UNKL: variants seen among roughly 807,000 people sequenced by gnomAD.
UNKL encodes unk like zinc finger.
A neutral mutation model predicts 78.0 loss-of-function variants in UNKL; 60 were observed. That is an observed-to-expected ratio of 0.77 (90% CI 0.63 to 0.95). The LOEUF (loss-of-function observed/expected upper bound fraction) is 0.95, where lower values mean the gene tolerates loss of function less well. UNKL is among the 40% of genes least tolerant of loss of function. UNKL has a pLI of 0.00. For synonymous variants in UNKL, 608 were observed against 474.8 expected (o/e 1.28, Z -3.65); for missense variants, 1,159 against 1,045.7 (o/e 1.11, Z -1.49).
In UNKL at chr16:1,367,223, C is replaced by T; in HGVS notation, c.1915G>A (p.Glu639Lys). 1 of 1,602,122 alleles carries T rather than the reference C, an allele frequency of 6.2e-7. No individual in the cohort carries two copies. The highest frequency in any genetic ancestry group is 8.5e-7 in the Non-Finnish European group (1 of 1,177,102). Reference sequence around the variant, plus strand: ...GAGGCTACGCCCAGGCCCTCCAGCTCCTCCTGCAGCTGCTTCACCTGTGCC... The same window carrying T: ...GAGGCTACGCCCAGGCCCTCCAGCTTCTCCTGCAGCTGCTTCACCTGTGCC... ...VEAQVKQLQEELEGLGVASTL... is the reference protein window; with the variant it reads ...VEAQVKQLQEKLEGLGVASTL... The change falls in exon 14 of 15, where the codon GAG (glutamate) becomes AAG (lysine). Residue 639 changes from glutamate to lysine, a missense_variant. By Grantham distance (56) the Glu-to-Lys change is moderately conservative. Transcript: ENST00000389221.
chr16:1,369,598 A>G (rs189932178), intron 12 of UNKL, among the ~76,000 whole-genome samples: 2 of 151,642 alleles, frequency 1.3e-5, no homozygotes, highest in East Asian at 2.0e-4. Context: ...TGAACTCCCA[A>G]TCTCAGGTGA....
rs745821179 is a variant in UNKL at position 1,370,136 on chromosome 16, G to A, written c.1579C>T (p.Pro527Ser). 1.3e-6 allele frequency: 2 copies of A among 1,525,638 alleles called. No individual in the cohort carries two copies. Among genetic ancestry groups the A allele is most frequent in the South Asian group, 2.5e-5 (2 of 81,378 alleles). The allele number at this position is 1,525,638 out of a possible 1,614,324, so 94.5% of individuals were successfully genotyped here. ...TLGSAASSYS[P>S]LGLNGVPGSI... is the part of the protein sequence containing the mutation. ...GGAGGGAGCCGGCACTCACCTAGGG[G>A]GCTGTAGGATGAGGCTGCAGAGCCC... The change falls in exon 12 of 15, where the codon CCC (proline) becomes TCC (serine). Residue 527 changes from proline (P) to serine (S), a missense_variant. Transcript: ENST00000389221.
chr16:1,386,682 C>T (rs903073801), intron 9 of UNKL, among the ~76,000 whole-genome samples: 4 of 152,160 alleles, frequency 2.6e-5, no homozygotes, highest in Non-Finnish European at 2.9e-5. Flanking sequence ...TTAAGTAAAA[C>T]TGTCCATAAT....
chr16:1,387,942 G>T lies in UNKL; in HGVS notation c.1087-2557C>A, dbSNP rs1194510605. ...TTCCCCATGTCCTGACCCACCAGTAGCCTAGAGGCCACCGCCCGGGTCACA... is the reference window on the plus strand; with the variant it reads ...TTCCCCATGTCCTGACCCACCAGTATCCTAGAGGCCACCGCCCGGGTCACA... On this transcript the variant is annotated intron_variant, in intron 9 of 14. Coordinates refer to ENST00000389221, the MANE Select transcript of UNKL (RefSeq NM_001372107.1). This position sits in a 1 kb window ranked among gnomAD's most constrained non-coding sequence, Gnocchi z 4.1. Among the ~76,000 whole-genome samples, 3 of 152,136 alleles carry T rather than the reference G, an allele frequency of 2.0e-5. No individual in the cohort carries two copies. Among genetic ancestry groups the T allele is most frequent in the Non-Finnish European group, 4.4e-5 (3 of 68,010 alleles).
intron 2 of UNKL, 68 bp downstream of exon 2, chr16:1,413,778 C>G: frequency 6.9e-7 from 1 of 1,454,694 alleles, no homozygotes; most frequent in Non-Finnish European, 9.1e-7. Flanking sequence ...CTGAGGGTCC[C>G]GGCCGCATCC....
Position 1,378,192 on chromosome 16 carries a change from T to G in UNKL, c.1265-6581A>C, listed in dbSNP as rs192013357. 1.4e-3 allele frequency among the ~76,000 whole-genome samples: 217 copies of G among 152,260 alleles called. 3 individuals are homozygous for G. The highest frequency in any genetic ancestry group is 6.8e-3 in the Middle Eastern group (2 of 294). ...CTTGCAGGTGTCAGCCTGAACCATG[T>G]CAGGGCCCTGGACAGACTCACTGAG... On this transcript the variant is annotated intron_variant, in intron 10 of 14. Transcript: ENST00000389221.
intron 6 of UNKL, chr16:1,395,916 C>T (rs754135433): frequency 1.1e-4 from 41 of 386,304 alleles, no homozygotes; most frequent in Admixed American, 4.0e-4. Flanking sequence ...CTGGTCCTTC[C>T]CAGCCCCTGC....
At chr16:1,367,497 CCT>C (rs2035384814) in intron 13 of UNKL, 148 bp from the exon 14 acceptor site, 3 of 708,526 alleles carry the variant, frequency 4.2e-6, no homozygotes, top group Non-Finnish European at 6.2e-6. Flanking sequence ...TCCCTCCCTC[CCT>C]CCCTCCCTCC....
intron 8 of UNKL, among the ~76,000 whole-genome samples, 177 bp downstream of exon 8, chr16:1,392,714 C>T (rs1259210403): frequency 5.3e-5 from 8 of 152,240 alleles, no homozygotes; most frequent in African/African-American, 1.9e-4. Flanking sequence ...GGATGACAGG[C>T]GTGAGCCACT....
Position 1,394,236 on chromosome 16 carries a change from A to T in UNKL, c.853-21T>A, listed in dbSNP as rs145365994. On this transcript the variant is annotated intron_variant, in intron 6 of 14. Coordinates refer to ENST00000389221, the MANE Select transcript of UNKL (RefSeq NM_001372107.1). ...TAGATCTGGGGAAAAAAGTGAAATA[A>T]AGAGGTTGGATTGGAAATGGGATTC... The T allele has an allele frequency of 7.3e-4, 1,126 of 1,549,986 alleles. 8 individuals carry two copies. The African/African-American group carries it at 0.013, about 17-fold the overall frequency.
At chr16:1,386,650 G>A (rs907024678) in intron 9 of UNKL, among the ~76,000 whole-genome samples, 1 of 152,208 alleles carries the variant, frequency 6.6e-6, no homozygotes, top group African/African-American at 2.4e-5. Flanking sequence ...CTTGGGAGGT[G>A]TGATTTTACT....
chr16:1,385,274 G>T lies in UNKL; in HGVS notation c.1198C>A (p.Leu400Met). The change falls in exon 10 of 15, where the codon CTG becomes ATG. Residue 400 changes from leucine to methionine, a missense_variant. Leu to Met is a conservative substitution (Grantham distance 15). Coordinates refer to ENST00000389221, the MANE Select transcript of UNKL (RefSeq NM_001372107.1). ...AGSGSSSPTA[L>M]PAPPARALPL... is the part of the protein sequence containing the mutation. ...AGGGCACGGGCGGGGGGCGCGGGCA[G>T]CGCAGTGGGGGAGGAGCTGCCGGAG... The T allele has an allele frequency of 4.4e-6, 6 of 1,358,180 alleles. No homozygotes were observed. Among genetic ancestry groups the T allele is most frequent in the Non-Finnish European group, 5.7e-6 (6 of 1,061,006 alleles). 84.1% of individuals were successfully genotyped at this position (1,358,180 alleles called of 1,614,324 possible).
At chr16:1,398,405 G>A in intron 5 of UNKL, 1 of 1,030,800 alleles carries the variant, frequency 9.7e-7, no homozygotes. Flanking sequence ...GACGGGCGAT[G>A]ACAAAATCTC....
chr16:1,396,996 C>T (rs1357915068), intron 6 of UNKL, 182 bp downstream of exon 6: 20 of 623,620 alleles, frequency 3.2e-5, no homozygotes, highest in Non-Finnish European at 4.4e-5. Flanking sequence ...GCCCGAAGGC[C>T]AGCAAGCAAG....
In UNKL at chr16:1,370,325, C is replaced by A. The variant is rs539413184; in HGVS notation, c.1390G>T (p.Ala464Ser). ...GCTCTGGGCAGGGAGCCGGGGATGGCGACAGGTGCAGAGCCGGCCAGCGAC... is the reference window on the plus strand; with the variant it reads ...GCTCTGGGCAGGGAGCCGGGGATGGAGACAGGTGCAGAGCCGGCCAGCGAC... ...PRSLAGSAPV[A>S]IPGSLPRAPS... The change falls in exon 12 of 15, where the codon GCC becomes TCC. Residue 464 changes from alanine (A) to serine (S), a missense_variant. Coordinates refer to ENST00000389221, the MANE Select transcript of UNKL (RefSeq NM_001372107.1). The A allele has an allele frequency of 4.6e-6, 7 of 1,532,284 alleles. No individual in the cohort carries two copies. The Admixed American group carries it at 7.9e-5, about 17-fold the overall frequency. The allele number at this position is 1,532,284 out of a possible 1,614,324, so 94.9% of individuals were successfully genotyped here. A position where few individuals can be genotyped will look rare whatever the true frequency, so the allele number is the denominator to read the frequency against.
At chr16:1,410,697 T>C (rs529889801) in intron 2 of UNKL, among the ~76,000 whole-genome samples, 13 of 152,316 alleles carry the variant, frequency 8.5e-5, no homozygotes, top group African/African-American at 2.9e-4. Flanking sequence ...TAAGCAGCAG[T>C]GGCCCTACTT....
At position 1,385,775 on chromosome 16, in the gene UNKL, G is replaced by A. The variant is rs555738755; in HGVS notation, c.1087-390C>T. On this transcript the variant is annotated intron_variant, in intron 9 of 14. Transcript: ENST00000389221. The stretch of plus-strand genomic sequence containing the variant: ...CTGCCCTTCTCCCCACACCTCCTGG[G>A]TGCCCCCGCCCCGGCTCTCGCCCAG... 1.4e-4 allele frequency among the ~76,000 whole-genome samples: 21 copies of A among 152,346 alleles called. 1 individual carries two copies. The highest frequency in any genetic ancestry group is 1.3e-3 in the Admixed American group (20 of 15,306).
At chr16:1,386,229 C>T (rs1160769824) in intron 9 of UNKL, among the ~76,000 whole-genome samples, 5 of 151,638 alleles carry the variant, frequency 3.3e-5, no homozygotes, top group Non-Finnish European at 7.4e-5. Context: ...GCCAACATGG[C>T]GAAACCCTGT....
chr16:1,388,410 C>T (rs1262969387), intron 9 of UNKL, among the ~76,000 whole-genome samples: 1 of 152,170 alleles, frequency 6.6e-6, no homozygotes, highest in African/African-American at 2.4e-5. Flanking sequence ...CGCCTGTCTG[C>T]AGGAGGGGAC....
Sources: gnomAD v4.1 joint callset for allele counts (sites outside exome capture counted in the v4.1 genomes callset) on GRCh38, gnomAD v4.1.1 for gene constraint, Gnocchi (gnomAD v3.1) non-coding constraint, MANE v1.5 for transcripts, NCBI Gene and HGNC (gene_info 2026-07-23, HGNC 2026-07-21) for gene names.